Variants in CCDC88B observed in about 807,000 individuals in gnomAD.
The protein encoded by CCDC88B is coiled-coil domain-containing protein 88B.
Under a neutral mutation model 183.7 loss-of-function variants are expected in CCDC88B, and 138 were observed. That is an observed-to-expected ratio of 0.75 (90% CI 0.65 to 0.87). CCDC88B has a LOEUF of 0.87. Among genes scored for constraint, CCDC88B ranks in the 40% least tolerant of loss-of-function variants. The pLI is 0.00. For missense variants in CCDC88B, 1,822 were observed against 1,965.6 expected, an observed-to-expected ratio of 0.93 and a Z score of 1.38; for synonymous variants, 835 against 867.5, an observed-to-expected ratio of 0.96 and a Z score of 0.66.
chr11:64,341,550 G>T (rs780428012), intron 6 of CCDC88B, 46 bp downstream of exon 6: 15 of 1,611,224 alleles, frequency 9.3e-6, no homozygotes, highest in Non-Finnish European at 1.3e-5. Flanking sequence ...CACCTGGGAC[G>T]CCCTTGCCAC....
rs1329332703 is a variant in CCDC88B, at chr11:64,344,924, G to A, written c.2383G>A (p.Glu795Lys). ...GGCCTGGGAGCAAGCCCGGCTGCGG[G>A]AGGCAGTGGAGGCTGCTGGCCAGGA... ...AQAWEQARLR[E>K]AVEAAGQELE... Residue 795 changes from glutamate (E) to lysine (K), a missense_variant, in exon 14 of 27, where the codon GAG becomes AAG. Transcript: ENST00000356786. This position sits in a 1 kb window ranked among gnomAD's most constrained non-coding sequence, Gnocchi z 4.5. 4 of 1,564,884 alleles carry A rather than the reference G, an allele frequency of 2.6e-6. No homozygotes were observed. The East Asian group carries it at 7.1e-5, about 28-fold the overall frequency.
At chr11:64,351,321 G>T in intron 17 of CCDC88B, 66 bp downstream of exon 17, 2 of 1,499,718 alleles carry the variant, frequency 1.3e-6, no homozygotes, top group South Asian at 2.6e-5. Flanking sequence ...GGTCCACGGT[G>T]GACCCTGGGC....
intron 4 of CCDC88B, 23 bp downstream of exon 4, chr11:64,341,201 C>T (rs376267018): frequency 1.9e-4 from 302 of 1,614,088 alleles, no homozygotes; most frequent in Middle Eastern, 4.9e-4. Flanking sequence ...CCCACACCCT[C>T]CTGCCTCTGC....
At position 64,345,054 on chromosome 11, in the gene CCDC88B, A is replaced by G. The variant is rs1416395496; in HGVS notation, c.2513A>G (p.Gln838Arg). 8.4e-6 allele frequency: 13 copies of G among 1,549,210 alleles called. No homozygotes were observed. Among genetic ancestry groups the G allele is most frequent in the African/African-American group, 2.7e-5 (2 of 73,560 alleles). ...CGTGAGGGGTCCAGGCTGCGGGCCC[A>G]GTCGGAGGCCGCCGAGGAACGGATG... The part of the protein sequence containing the change: ...WEREGSRLRA[Q>R]SEAAEERMQV... The change falls in exon 14 of 27, where the codon CAG (glutamine) becomes CGG (arginine). Residue 838 changes from glutamine (Q) to arginine (R), a missense_variant. Gln to Arg is a conservative substitution (Grantham distance 43). Transcript: ENST00000356786.
chr11:64,351,338 G>C (rs1565054821), intron 17 of CCDC88B, 83 bp downstream of exon 17: 1 of 1,499,256 alleles, frequency 6.7e-7, no homozygotes, highest in Non-Finnish European at 9.0e-7. Flanking sequence ...GGGCTGGGGG[G>C]TATCCCGTGC....
chr11:64,342,901 C>A, intron 10 of CCDC88B: 1 of 499,342 alleles, frequency 2.0e-6, no homozygotes, highest in Admixed American at 4.5e-5. Flanking sequence ...AGTGATGCAG[C>A]CTTGGAAGGA....
intron 10 of CCDC88B, 101 bp from the exon 11 acceptor site, chr11:64,343,078 G>C (rs1244809275): frequency 3.7e-6 from 5 of 1,350,358 alleles, no homozygotes; most frequent in Admixed American, 5.4e-5. Flanking sequence ...GGGGGAGGGA[G>C]GCAGGGTCTG....
chr11:64,355,324 C>A lies in CCDC88B; in HGVS notation c.4230C>A (p.Ser1410Arg). The A allele has an allele frequency of 6.3e-7, 1 of 1,595,986 alleles. No individual in the cohort carries two copies. The highest frequency in any genetic ancestry group is 8.5e-7 in the Non-Finnish European group (1 of 1,172,458). ...TGGGGCGAAGCTCTGAGTCATTCAG[C>A]CCTGGGGACACCCCTAGGCAACGAT... is the stretch of plus-strand genomic sequence containing the variant. Reference protein sequence around the residue: ...FPVGRSSESFSPGDTPRQRFR... With the variant: ...FPVGRSSESFRPGDTPRQRFR... Residue 1410 changes from serine to arginine, a missense_variant, in exon 25 of 27, where the codon AGC becomes AGA. Ser to Arg is a moderately radical substitution (Grantham distance 110). Coordinates refer to ENST00000356786, the MANE Select transcript of CCDC88B (RefSeq NM_032251.6).
intron 14 of CCDC88B, chr11:64,348,914 T>C (rs1251264884): frequency 1.5e-6 from 1 of 687,618 alleles, no homozygotes; most frequent in Non-Finnish European, 2.7e-6. Context: ...CCGTGGCCTT[T>C]TCCCTGTAGC....
chr11:64,352,897 C>T lies in CCDC88B; in HGVS notation c.3500+10C>T, dbSNP rs753455264. ...AGAGCGAGCACGACAGGTGCCGCCC[C>T]TGCCACAGCCTCTAGCAGCTCTCAG... On this transcript the variant is annotated intron_variant, in intron 20 of 26. Coordinates refer to ENST00000356786, the MANE Select transcript of CCDC88B (RefSeq NM_032251.6). 1.3e-6 allele frequency: 2 copies of T among 1,568,492 alleles called. No individual in the cohort carries two copies.
intron 22 of CCDC88B, 62 bp from the exon 23 acceptor site, chr11:64,353,653 C>T (rs1338519860): frequency 8.8e-6 from 14 of 1,597,510 alleles, no homozygotes; most frequent in Non-Finnish European, 1.2e-5. Flanking sequence ...GCAGCTTGTG[C>T]CTTGCTACTG....
At chr11:64,341,352 G>A in intron 5 of CCDC88B, 24 bp downstream of exon 5, 1 of 1,614,082 alleles carries the variant, frequency 6.2e-7, no homozygotes, top group Non-Finnish European at 8.5e-7. Flanking sequence ...GGGAAGGAAA[G>A]GTTAGGGTCG....
intron 14 of CCDC88B, among the ~76,000 whole-genome samples, chr11:64,348,190 G>A (rs2036190476): frequency 6.6e-6 from 1 of 152,034 alleles, no homozygotes; most frequent in South Asian, 2.1e-4. Flanking sequence ...AGGCAGTGAA[G>A]GTGAGGGTAG....
At position 64,342,045 on chromosome 11, in the gene CCDC88B, G is replaced by T; in HGVS notation, c.727G>T (p.Ala243Ser). 6.2e-7 allele frequency: 1 copy of T among 1,612,306 alleles called. No individual in the cohort carries two copies. The highest frequency in any genetic ancestry group is 8.5e-7 in the Non-Finnish European group (1 of 1,179,642). The stretch of plus-strand genomic sequence containing the variant: ...AGAACCCCTCTGCTTGAGGCCTGAG[G>T]CTCCCTCTAGGGCTCCCGCCGAGGG... ...EREPLCLRPE[A>S]PSRAPAEGPS... is the part of the protein sequence containing the mutation. Residue 243 changes from alanine to serine, a missense_variant, in exon 8 of 27, where the codon GCT becomes TCT. Physicochemically the swap from Ala to Ser is moderately conservative, Grantham distance 99 (BLOSUM62 1). Transcript: ENST00000356786.
chr11:64,352,658 C>G (rs2036384552), intron 19 of CCDC88B, 86 bp from the exon 20 acceptor site: 1 of 1,575,646 alleles, frequency 6.3e-7, no homozygotes, highest in Non-Finnish European at 8.6e-7. Flanking sequence ...GTGACAGACC[C>G]CCCCGCCCCG....
At position 64,352,789 on chromosome 11, in the gene CCDC88B, G is replaced by C; in HGVS notation, c.3402G>C (p.Glu1134Asp). ...AGCGGGCCAGCGTGGAGGCACAGGAGGTGGCCCTGCTGGCAGAGCGTGAAC... is the reference window on the plus strand; with the variant it reads ...AGCGGGCCAGCGTGGAGGCACAGGACGTGGCCCTGCTGGCAGAGCGTGAAC... ...QAQRASVEAQ[E>D]VALLAERERL... The change falls in exon 20 of 27, where the codon GAG becomes GAC. Residue 1134 changes from glutamate to aspartate, a missense_variant. Physicochemically the swap from Glu to Asp is conservative, Grantham distance 45 (BLOSUM62 2). Transcript: ENST00000356786. The C allele has an allele frequency of 5.6e-6, 9 of 1,613,534 alleles. No homozygotes were observed. The highest frequency in any genetic ancestry group is 7.6e-6 in the Non-Finnish European group (9 of 1,179,988).
At chr11:64,346,159 G>A (rs902497298) in intron 14 of CCDC88B, among the ~76,000 whole-genome samples, 6 of 152,244 alleles carry the variant, frequency 3.9e-5, no homozygotes, top group African/African-American at 1.4e-4. Context: ...CTTGAGGAGG[G>A]TCACCTTGGT....
Position 64,355,327 on chromosome 11 carries a change from T to C in CCDC88B, c.4233T>C (p.Pro1411=), listed in dbSNP as rs762448959. Residue 1411 remains proline (P), a synonymous_variant, in exon 25 of 27, where the codon CCT becomes CCC. Coordinates refer to ENST00000356786, the MANE Select transcript of CCDC88B (RefSeq NM_032251.6). ...GGCGAAGCTCTGAGTCATTCAGCCC[T>C]GGGGACACCCCTAGGCAACGATTCC... ...PVGRSSESFS[P]GDTPRQRFRQ... 6 of 1,595,958 alleles carry C rather than the reference T, an allele frequency of 3.8e-6. No individual in the cohort carries two copies. The Admixed American group carries it at 8.8e-5, about 23-fold the overall frequency.
chr11:64,348,957 C>T (rs2036219950), intron 14 of CCDC88B: 1 of 716,320 alleles, frequency 1.4e-6, no homozygotes, highest in Non-Finnish European at 2.6e-6. Flanking sequence ...CTCTGCTGAG[C>T]CTCTCTAGCT....
Sources: allele counts gnomAD v4.1 joint callset (sites outside exome capture counted in the v4.1 genomes callset), GRCh38; gene constraint gnomAD v4.1.1; non-coding constraint Gnocchi (gnomAD v3.1); transcripts MANE v1.5; gene names NCBI Gene and HGNC (gene_info 2026-07-23, HGNC 2026-07-21).